VPS45: variants seen among roughly 807,000 people sequenced by gnomAD.
The protein encoded by VPS45 is vacuolar protein sorting-associated protein 45.
A neutral mutation model predicts 75.9 loss-of-function variants in VPS45; 35 were observed. The ratio of observed to expected loss-of-function variants is 0.46; its 90% CI spans 0.35 to 0.61. VPS45 has a LOEUF of 0.61. Ranked by LOEUF, VPS45 falls within the 20% of genes least tolerant of loss-of-function variation. The pLI, the probability that VPS45 is intolerant of heterozygous loss-of-function variation, is 0.00. For synonymous variants in VPS45, 220 were observed against 238.2 expected (o/e 0.92, Z 0.70); for missense variants, 559 against 685.9 (o/e 0.81, Z 2.07).
intron 14 of VPS45, among the ~76,000 whole-genome samples, chr1:150,126,750 G>A (rs1212986857): frequency 6.6e-6 from 1 of 152,090 alleles, no homozygotes; most frequent in Non-Finnish European, 1.5e-5. Flanking sequence ...AGGATCATTT[G>A]AGGCCAGGGG....
chr1:150,128,112 G>T (rs1015255380), intron 14 of VPS45, among the ~76,000 whole-genome samples: 4 of 151,886 alleles, frequency 2.6e-5, no homozygotes, highest in Admixed American at 1.3e-4. Flanking sequence ...ACCAGCCTGG[G>T]CAACATGGTG....
At chr1:150,127,226 AT>A (rs1658564677) in intron 14 of VPS45, among the ~76,000 whole-genome samples, 1 of 152,012 alleles carries the variant, frequency 6.6e-6, no homozygotes, top group Non-Finnish European at 1.5e-5. Flanking sequence ...TACCTGTTTC[AT>A]TTTACTTTTT....
chr1:150,130,645 T>G (rs1553812165), intron 14 of VPS45, among the ~76,000 whole-genome samples: 2 of 152,234 alleles, frequency 1.3e-5, no homozygotes, highest in African/African-American at 4.8e-5. Context: ...CAACAAATAC[T>G]TAGTGAGCAC....
rs782327215 is a variant in VPS45, at chr1:150,081,498, A to T, written c.822+22A>T. Reference sequence around the variant, plus strand: ...TAATGTAGGTGGTTTAAATTTTTTTAAATTGTCTTTAGTTGTTTTTATGTA... The same window carrying T: ...TAATGTAGGTGGTTTAAATTTTTTTTAATTGTCTTTAGTTGTTTTTATGTA... On this transcript the variant is annotated intron_variant, in intron 8 of 14. Coordinates refer to ENST00000644510, the MANE Select transcript of VPS45 (RefSeq NM_007259.5). 1.4e-4 allele frequency: 226 copies of T among 1,592,004 alleles called. 3 individuals carry two copies. Among genetic ancestry groups the T allele is most frequent in the African/African-American group, 4.1e-5 (3 of 73,156 alleles).
intron 14 of VPS45, among the ~76,000 whole-genome samples, chr1:150,140,644 ACACT>A (rs1197824531): frequency 2.6e-5 from 4 of 152,156 alleles, no homozygotes; most frequent in South Asian, 4.2e-4. Context: ...CACATAGTAG[ACACT>A]CAGTAAATAT....
chr1:150,137,537 C>G (rs1312686850), intron 14 of VPS45, among the ~76,000 whole-genome samples: 1 of 152,114 alleles, frequency 6.6e-6, no homozygotes, highest in African/African-American at 2.4e-5. Flanking sequence ...ATCTACCTCA[C>G]CTACACCGGG....
intron 10 of VPS45, among the ~76,000 whole-genome samples, chr1:150,090,053 T>C (rs1304418242): frequency 6.6e-6 from 1 of 152,214 alleles, no homozygotes; most frequent in Non-Finnish European, 1.5e-5. Flanking sequence ...ACATTGGACA[T>C]GGTTGTTGTC....
chr1:150,081,586 A>G (rs998502999), intron 8 of VPS45, 110 bp downstream of exon 8: 3 of 1,268,180 alleles, frequency 2.4e-6, no homozygotes, highest in African/African-American at 3.1e-5. Flanking sequence ...AAAGGATGAT[A>G]GGGGCATCCT....
At chr1:150,112,609 C>T (rs79190103) in intron 14 of VPS45, among the ~76,000 whole-genome samples, 3,275 of 152,166 alleles carry the variant, frequency 0.022, 65 homozygotes, top group Non-Finnish European at 0.034. Context: ...CTCCAGACAC[C>T]AACTGGATAT....
chr1:150,107,294 G>A (rs1553806003), intron 13 of VPS45, among the ~76,000 whole-genome samples: 1 of 152,144 alleles, frequency 6.6e-6, no homozygotes, highest in African/African-American at 2.4e-5. Flanking sequence ...GCATGTTTTT[G>A]TCTTATGCAC....
chr1:150,136,790 A>AG (rs1553813841), intron 14 of VPS45, among the ~76,000 whole-genome samples: 4 of 149,122 alleles, frequency 2.7e-5, no homozygotes, highest in Admixed American at 2.7e-4. Flanking sequence ...AAAAAAAAAA[A>AG]GGTGTACCAC....
intron 14 of VPS45, among the ~76,000 whole-genome samples, chr1:150,123,924 G>T (rs2101633998): frequency 6.6e-6 from 1 of 152,194 alleles, no homozygotes; most frequent in Admixed American, 6.5e-5. Flanking sequence ...CTAGAAGATG[G>T]CATGAGAGCA....
chr1:150,143,786 T>C (rs1373258464), intron 14 of VPS45, among the ~76,000 whole-genome samples: 1 of 152,108 alleles, frequency 6.6e-6, no homozygotes, highest in Non-Finnish European at 1.5e-5. Flanking sequence ...AGGCACAGAA[T>C]CTAGAGCCTG....
At chr1:150,087,827 C>T (rs1264627693) in intron 10 of VPS45, among the ~76,000 whole-genome samples, 2 of 152,076 alleles carry the variant, frequency 1.3e-5, no homozygotes, top group African/African-American at 4.8e-5. Flanking sequence ...AATAATTACT[C>T]GCAGTAAGCC....
At chr1:150,123,076 A>T (rs1488792302) in intron 14 of VPS45, among the ~76,000 whole-genome samples, 1 of 151,924 alleles carries the variant, frequency 6.6e-6, no homozygotes, top group Admixed American at 6.6e-5. Context: ...TGTCTCTACA[A>T]ATGTCCCCAT....
chr1:150,091,940 A>G lies in VPS45; in HGVS notation c.1108A>G (p.Ile370Val). ...QNDHSSALQN[I>V]KRLLQNPKVT... ...TATAAGTTCTATCTTTCTTCAGAAT[A>G]TAAAAAGGCTTCTGCAGAACCCCAA... Residue 370 changes from isoleucine to valine, a missense_variant, in exon 11 of 15, where the codon ATA becomes GTA. By Grantham distance (29) the Ile-to-Val change is conservative. Transcript: ENST00000644510. 1.2e-6 allele frequency: 2 copies of G among 1,612,754 alleles called. No individual in the cohort carries two copies. Among genetic ancestry groups the G allele is most frequent in the Non-Finnish European group, 1.7e-6 (2 of 1,179,566 alleles).
Position 150,110,638 on chromosome 1 carries a change from A to G in VPS45, c.1625+11A>G. The G allele has an allele frequency of 6.3e-7, 1 of 1,598,542 alleles. No individual in the cohort carries two copies. Among genetic ancestry groups the G allele is most frequent in the Non-Finnish European group, 8.5e-7 (1 of 1,171,536 alleles). On this transcript the variant is annotated intron_variant, in intron 14 of 14. Transcript: ENST00000644510. ...GCACAACACGAAAAGGTAAAAGAGA[A>G]CATTCATTCTACAACTGTGTCCTCT...
At chr1:150,101,769 C>T (rs1553804422) in intron 13 of VPS45, among the ~76,000 whole-genome samples, 1 of 151,244 alleles carries the variant, frequency 6.6e-6, no homozygotes, top group Non-Finnish European at 1.5e-5. Flanking sequence ...CAGAACCTGG[C>T]GAGGCTGCAG....
intron 14 of VPS45, among the ~76,000 whole-genome samples, chr1:150,143,176 A>C (rs1420627544): frequency 6.6e-6 from 1 of 152,238 alleles, no homozygotes; most frequent in Non-Finnish European, 1.5e-5. Context: ...TTAGTTCAGC[A>C]TGGAGGGGTC....
Sources: gnomAD v4.1 joint callset for allele counts (sites outside exome capture counted in the v4.1 genomes callset) on GRCh38, gnomAD v4.1.1 for gene constraint, MANE v1.5 for transcripts, NCBI Gene and HGNC (gene_info 2026-07-23, HGNC 2026-07-21) for gene names.